Variants in TFAP2B observed in about 807,000 individuals in gnomAD.
The protein encoded by TFAP2B is transcription factor AP-2-beta.
TFAP2B carries 9 observed loss-of-function variants against 44.3 expected under a neutral mutation model. The ratio of observed to expected loss-of-function variants is 0.20; its 90% CI spans 0.12 to 0.35. TFAP2B has a LOEUF of 0.35. TFAP2B is among the 10% of genes least tolerant of loss of function. TFAP2B has a pLI of 1.00. For missense variants in TFAP2B, 509 were observed against 600.0 expected, an observed-to-expected ratio of 0.85 and a Z score of 1.59; for synonymous variants, 270 against 263.8, an observed-to-expected ratio of 1.02 and a Z score of -0.23.
intron 2 of TFAP2B, among the ~76,000 whole-genome samples, chr6:50,825,613 A>G (rs554150428): frequency 1.3e-5 from 2 of 152,210 alleles, no homozygotes; most frequent in Non-Finnish European, 1.5e-5. Context: ...ATCAGTGCAC[A>G]TTTGGGAGAA....
chr6:50,836,284 ACC>A lies in TFAP2B; in HGVS notation c.821+7_821+8del, dbSNP rs781419115. 59 of 1,609,754 alleles carry A rather than the reference ACC, an allele frequency of 3.7e-5. No individual in the cohort carries two copies. The highest frequency in any genetic ancestry group is 4.6e-5 in the Non-Finnish European group (54 of 1,177,922). ...TCCTCGGCGGAGTCCTCAGAAGGTA[ACC>A]CCACCACGAAAAACAAAAACAAAAA... On this transcript the variant is annotated splice_donor_5th_base_variant and intron_variant, in intron 4 of 6. Coordinates refer to ENST00000393655, the MANE Select transcript of TFAP2B (RefSeq NM_003221.4).
At chr6:50,825,606 A>G (rs912443387) in intron 2 of TFAP2B, among the ~76,000 whole-genome samples, 1 of 152,220 alleles carries the variant, frequency 6.6e-6, no homozygotes, top group Admixed American at 6.5e-5. Flanking sequence ...GGGCCAGATC[A>G]GTGCACATTT....
At chr6:50,818,462 G>A (rs1009331377), upstream of TFAP2B, among the ~76,000 whole-genome samples, 1 of 152,112 alleles carries the variant, frequency 6.6e-6, no homozygotes, top group Non-Finnish European at 1.5e-5. Flanking sequence ...GATGGCCCCT[G>A]GTTTCTCATT....
chr6:50,842,604 T>C (rs1199001316), intron 6 of TFAP2B, among the ~76,000 whole-genome samples: 1 of 152,196 alleles, frequency 6.6e-6, no homozygotes, highest in Non-Finnish European at 1.5e-5. Flanking sequence ...CCCTGGGCCA[T>C]GGAAGGCTCC....
rs1205285394 is a variant in TFAP2B at position 50,843,491 on chromosome 6, A to G, written c.*99A>G. 10 of 1,290,748 alleles carry G rather than the reference A, an allele frequency of 7.7e-6. No homozygotes were observed. Among genetic ancestry groups the G allele is most frequent in the African/African-American group, 1.5e-5 (1 of 66,458 alleles). The allele number at this position is 1,290,748 out of a possible 1,614,324, so 80.0% of individuals were successfully genotyped here. A position where few individuals can be genotyped will look rare whatever the true frequency, so the allele number is the denominator to read the frequency against. The stretch of plus-strand genomic sequence containing the variant: ...TAAAATATTGGATTGGCTTTGGAAG[A>G]ATTATATTAGGTAGAATACACATAC... On this transcript the variant is annotated 3_prime_UTR_variant, in exon 7 of 7. Transcript: ENST00000393655.
At chr6:50,842,899 C>T (rs1477442738) in intron 6 of TFAP2B, among the ~76,000 whole-genome samples, 193 bp from the exon 7 acceptor site, 1 of 152,178 alleles carries the variant, frequency 6.6e-6, no homozygotes, top group Admixed American at 6.5e-5. Flanking sequence ...ATTACCTCCC[C>T]ACCCCCGCTT....
intron 6 of TFAP2B, among the ~76,000 whole-genome samples, chr6:50,840,888 G>T (rs918704712): frequency 1.2e-4 from 19 of 152,230 alleles, no homozygotes; most frequent in African/African-American, 4.6e-4. Flanking sequence ...TTTGGCTTCG[G>T]TGTCATATTG....
chr6:50,847,365 G>A lies in TFAP2B; in HGVS notation c.*3973G>A, dbSNP rs1762870388. The A allele has an allele frequency of 6.6e-6, 1 of 152,564 alleles. No individual in the cohort carries two copies. The highest frequency in any genetic ancestry group is 2.4e-5 in the African/African-American group (1 of 41,426). The allele number at this position is 152,564 out of a possible 1,614,324, so 9.5% of individuals were successfully genotyped here. ...GAGCTCTGGAGGGTATTCATGTTAA[G>A]TTTGTATATATTTATTTATGCTTAA... On this transcript the variant is annotated 3_prime_UTR_variant, in exon 7 of 7. Coordinates refer to ENST00000393655, the MANE Select transcript of TFAP2B (RefSeq NM_003221.4).
intron 6 of TFAP2B, among the ~76,000 whole-genome samples, chr6:50,842,610 G>C (rs1474546815): frequency 2.0e-5 from 3 of 152,226 alleles, no homozygotes; most frequent in Non-Finnish European, 2.9e-5. Context: ...GCCATGGAAG[G>C]CTCCAGCAAT....
chr6:50,835,581 T>C (rs1233489638), intron 3 of TFAP2B, among the ~76,000 whole-genome samples: 1 of 152,124 alleles, frequency 6.6e-6, no homozygotes, highest in African/African-American at 2.4e-5. Flanking sequence ...GAGGAAGGGG[T>C]TTCCATTGGA....
chr6:50,823,305 A>G (rs1770406685), intron 1 of TFAP2B, 102 bp from the exon 2 acceptor site: 2 of 1,054,780 alleles, frequency 1.9e-6, no homozygotes, highest in South Asian at 2.7e-5. Flanking sequence ...TGTCACTTGT[A>G]TTTTTTTTCT....
intron 1 of TFAP2B, among the ~76,000 whole-genome samples, chr6:50,820,999 C>T (rs941411041): frequency 7.2e-5 from 11 of 151,934 alleles, no homozygotes; most frequent in African/African-American, 2.7e-4. Flanking sequence ...GTCCTATCTG[C>T]CTAAATTTTC....
In TFAP2B at chr6:50,836,390, T is replaced by C. The variant is rs1470256322; in HGVS notation, c.821+110T>C. The stretch of plus-strand genomic sequence containing the variant: ...GGTTCCAGCAAAACCCAATCTGCAG[T>C]CTGACGCAGTTGCCTAGCAACCGGG... On this transcript the variant is annotated intron_variant, in intron 4 of 6. Coordinates refer to ENST00000393655, the MANE Select transcript of TFAP2B (RefSeq NM_003221.4). The C allele has an allele frequency of 5.1e-6, 5 of 978,912 alleles. No individual in the cohort carries two copies. The East Asian group carries it at 1.0e-4, about 20-fold the overall frequency. 60.6% of individuals were successfully genotyped at this position (978,912 alleles called of 1,614,324 possible). A position where few individuals can be genotyped will look rare whatever the true frequency, so the allele number is the denominator to read the frequency against.
intron 3 of TFAP2B, among the ~76,000 whole-genome samples, chr6:50,829,736 C>G (rs899141380): frequency 6.6e-6 from 1 of 152,270 alleles, no homozygotes; most frequent in East Asian, 1.9e-4. Flanking sequence ...TTCATCCAGA[C>G]TCAAATGGGA....
intron 1 of TFAP2B, among the ~76,000 whole-genome samples, chr6:50,822,809 C>G (rs896577895): frequency 8.5e-5 from 13 of 152,138 alleles, no homozygotes; most frequent in African/African-American, 3.1e-4. Context: ...TGACTGGGAA[C>G]TCAGACCAGG....
chr6:50,824,204 C>T (rs1770441116), intron 2 of TFAP2B, among the ~76,000 whole-genome samples: 1 of 152,184 alleles, frequency 6.6e-6, no homozygotes, highest in Non-Finnish European at 1.5e-5. Context: ...TTCTCTAGTG[C>T]TTTGTGGAAG....
At chr6:50,824,618 T>G (rs988991929) in intron 2 of TFAP2B, among the ~76,000 whole-genome samples, 1 of 152,220 alleles carries the variant, frequency 6.6e-6, no homozygotes, top group Non-Finnish European at 1.5e-5. Context: ...CTCCCTCTCC[T>G]GGCCTCCGCC....
chr6:50,833,613 A>C (rs2113945919), intron 3 of TFAP2B, among the ~76,000 whole-genome samples: 1 of 152,344 alleles, frequency 6.6e-6, no homozygotes, highest in South Asian at 2.1e-4. Flanking sequence ...TGCAGGTGAT[A>C]ATGTATATGC....
chr6:50,840,278 A>G lies in TFAP2B; in HGVS notation c.1063A>G (p.Asn355Asp). The G allele has an allele frequency of 6.2e-7, 1 of 1,614,022 alleles. No individual in the cohort carries two copies. The highest frequency in any genetic ancestry group is 8.5e-7 in the Non-Finnish European group (1 of 1,180,020). ...CCCGAGTGACCTGCACTCCCGAAAG[A>G]ATATGCTGTTGGCCACCAAGTGAGT... is the stretch of plus-strand genomic sequence containing the variant. Reference protein sequence around the residue: ...TDPSDLHSRKNMLLATKQLCK... With the variant: ...TDPSDLHSRKDMLLATKQLCK... The change falls in exon 6 of 7, where the codon AAT (asparagine) becomes GAT (aspartate). Residue 355 changes from asparagine to aspartate, a missense_variant. Around this residue, in one of 3 missense-constraint regions of TFAP2B, gnomAD observed 168 missense variants for 183.2 expected, o/e 0.92. Transcript: ENST00000393655.
Sources: allele counts gnomAD v4.1 joint callset (sites outside exome capture counted in the v4.1 genomes callset), GRCh38; gene constraint gnomAD v4.1.1; regional missense constraint gnomAD v4.1.1; transcripts MANE v1.5; gene names NCBI Gene and HGNC (gene_info 2026-07-23, HGNC 2026-07-21).